Variants in FBXO43 observed in about 807,000 individuals in gnomAD.
FBXO43 encodes the protein F-box only protein 43.
Under a neutral mutation model 56.7 loss-of-function variants are expected in FBXO43, and 22 were observed. The observed-to-expected ratio is 0.39, with a 90% CI of 0.28 to 0.55. The LOEUF (loss-of-function observed/expected upper bound fraction) is 0.55. Ranked by LOEUF, FBXO43 falls within the 20% of genes least tolerant of loss-of-function variation. FBXO43 has a pLI of 0.66. For missense variants in FBXO43, 733 were observed against 814.9 expected, an observed-to-expected ratio of 0.90 and a Z score of 1.22; for synonymous variants, 306 against 294.5, an observed-to-expected ratio of 1.04 and a Z score of -0.40.
In FBXO43 at chr8:100,140,327, G is replaced by A. The variant is rs538117961; in HGVS notation, c.1571+356C>T. On this transcript the variant is annotated intron_variant, in intron 2 of 4. Transcript: ENST00000428847. Reference sequence around the variant, plus strand: ...CTACTAAAACTACAAAAAATTAGCCGGGCATGGTGGTGGGCGCCTGTAGTC... The same window carrying A: ...CTACTAAAACTACAAAAAATTAGCCAGGCATGGTGGTGGGCGCCTGTAGTC... Among the ~76,000 whole-genome samples, 16 of 152,116 alleles carry A rather than the reference G, an allele frequency of 1.1e-4. No individual in the cohort carries two copies. The South Asian group carries it at 2.7e-3, about 26-fold the overall frequency.
Position 100,133,548 on chromosome 8 carries a change from C to A in FBXO43, c.*254G>T. 1 of 334,104 alleles carries A rather than the reference C, an allele frequency of 3.0e-6. No individual in the cohort carries two copies. The allele number at this position is 334,104 out of a possible 1,614,324, so 20.7% of individuals were successfully genotyped here. A position where few individuals can be genotyped will look rare whatever the true frequency, so the allele number is the denominator to read the frequency against. ...AAATGTTACATAAAACAATAAAGTA[C>A]ATACATATAACAACAATGAAAATTC... On this transcript the variant is annotated 3_prime_UTR_variant, in exon 5 of 5. Transcript: ENST00000428847.
chr8:100,148,505 G>A (rs1037055692), upstream of FBXO43, among the ~76,000 whole-genome samples: 5 of 152,212 alleles, frequency 3.3e-5, no homozygotes, highest in East Asian at 3.9e-4. Flanking sequence ...TTCGCCTCCC[G>A]GGTTCAAGCG....
At chr8:100,150,291 C>G (rs1033862688), upstream of FBXO43, among the ~76,000 whole-genome samples, 1 of 152,300 alleles carries the variant, frequency 6.6e-6, no homozygotes, top group African/African-American at 2.4e-5. Flanking sequence ...GTAGTCGATT[C>G]TTCTATGTTC....
chr8:100,141,848 C>G lies in FBXO43; in HGVS notation c.406G>C (p.Asp136His), dbSNP rs745750597. 40 of 1,590,876 alleles carry G rather than the reference C, an allele frequency of 2.5e-5. No individual in the cohort carries two copies. The highest frequency in any genetic ancestry group is 3.7e-5 in the Admixed American group (2 of 53,474). ...GTTTCACAAAGTTCTGGGGTTTTAT[C>G]CTTTTCCTTTCTAGGCAAGATACAT... is the stretch of plus-strand genomic sequence containing the variant. ...KKCILPRKEK[D>H]KTPELCETPK... Residue 136 changes from aspartate to histidine, a missense_variant, in exon 2 of 5, where the codon GAT (aspartate) becomes CAT (histidine). Transcript: ENST00000428847.
At position 100,140,817 on chromosome 8, in the gene FBXO43, C is replaced by G; in HGVS notation, c.1437G>C (p.Gln479His). ...QGDGEKIAVLQCILAGLIGKK... is the reference protein window; with the variant it reads ...QGDGEKIAVLHCILAGLIGKK... ...TGCCGATCAGTCCTGCAAGTATACA[C>G]TGCAGTACAGCTATTTTCTCCCCAT... The change falls in exon 2 of 5, where the codon CAG becomes CAC. Residue 479 changes from glutamine to histidine, a missense_variant. Coordinates refer to ENST00000428847, the MANE Select transcript of FBXO43 (RefSeq NM_001029860.4). The G allele has an allele frequency of 6.2e-7, 1 of 1,614,168 alleles. No individual in the cohort carries two copies. The highest frequency in any genetic ancestry group is 8.5e-7 in the Non-Finnish European group (1 of 1,179,970).
Position 100,145,388 on chromosome 8 carries a change from C to T in FBXO43, c.-253G>A, listed in dbSNP as rs1814799830. On this transcript the variant is annotated 5_prime_UTR_variant, in exon 1 of 5. Coordinates refer to ENST00000428847, the MANE Select transcript of FBXO43 (RefSeq NM_001029860.4). ...TCCCAAATTCGGGTTCCTGAAAAGG[C>T]AGCGTGTGCTGCAGCCTGGCACTGA... The T allele has an allele frequency of 8.5e-6, 3 of 352,894 alleles. No homozygotes were observed. The highest frequency in any genetic ancestry group is 4.8e-5 in the Admixed American group (1 of 20,926). 21.9% of individuals were successfully genotyped at this position (352,894 alleles called of 1,614,324 possible). A position where few individuals can be genotyped will look rare whatever the true frequency, so the allele number is the denominator to read the frequency against.
At chr8:100,148,690 G>C (rs760338971), upstream of FBXO43, among the ~76,000 whole-genome samples, 5 of 152,210 alleles carry the variant, frequency 3.3e-5, no homozygotes, top group Non-Finnish European at 7.3e-5. Flanking sequence ...TGGGATTACA[G>C]GCGTGAGCCA....
Position 100,141,547 on chromosome 8 carries a change from T to A in FBXO43, c.707A>T (p.Asp236Val), listed in dbSNP as rs773054803. ...NFSQQKTSTI[D>V]DSKDDCSLFE... Reference sequence around the variant, plus strand: ...TAGGCTACAATCATCTTTGGAATCATCAATTGTGGAAGTCTTTTGCTGAGA... The same window carrying A: ...TAGGCTACAATCATCTTTGGAATCAACAATTGTGGAAGTCTTTTGCTGAGA... The change falls in exon 2 of 5, where the codon GAT (aspartate) becomes GTT (valine). Residue 236 changes from aspartate to valine, a missense_variant. Asp to Val is a radical substitution (Grantham distance 152). Coordinates refer to ENST00000428847, the MANE Select transcript of FBXO43 (RefSeq NM_001029860.4). 1.2e-6 allele frequency: 2 copies of A among 1,611,786 alleles called. No homozygotes were observed. Among genetic ancestry groups the A allele is most frequent in the Non-Finnish European group, 1.7e-6 (2 of 1,180,014 alleles).
chr8:100,149,138 A>G (rs537655013), upstream of FBXO43, among the ~76,000 whole-genome samples: 6 of 152,336 alleles, frequency 3.9e-5, 1 homozygote, highest in South Asian at 1.2e-3. Flanking sequence ...CTCTGTTGAT[A>G]GGAAAGAGCG....
upstream of FBXO43, among the ~76,000 whole-genome samples, chr8:100,149,844 CTTCA>C (rs1814887286): frequency 6.6e-6 from 1 of 152,106 alleles, no homozygotes; most frequent in African/African-American, 2.4e-5. Flanking sequence ...TTTAAAATAG[CTTCA>C]TTTTCTTCAC....
chr8:100,133,860 T>C lies in FBXO43; in HGVS notation c.2069A>G (p.Asn690Ser), dbSNP rs372427721. 21 of 1,614,214 alleles carry C rather than the reference T, an allele frequency of 1.3e-5. No homozygotes were observed. In the East Asian group the frequency reaches 4.2e-4, roughly 33 times the overall value. ...ACTTCCTGGGAGAGCATCTTTTCTA[T>C]TTCTTGGCTTTGCTGCTCCTCTACT... ...ECSRGAAKPRNRKDALPGSAQ... is the reference protein window; with the variant it reads ...ECSRGAAKPRSRKDALPGSAQ... The change falls in exon 5 of 5, where the codon AAT becomes AGT. Residue 690 changes from asparagine to serine, a missense_variant. Transcript: ENST00000428847.
In FBXO43 at chr8:100,141,104, G is replaced by C; in HGVS notation, c.1150C>G (p.Leu384Val). The C allele has an allele frequency of 6.2e-7, 1 of 1,614,230 alleles. No homozygotes were observed. The highest frequency in any genetic ancestry group is 8.5e-7 in the Non-Finnish European group (1 of 1,180,044). ...KTRHLGRSRR[L>V]STLREQSSQS... is the part of the protein sequence containing the mutation. Reference sequence around the variant, plus strand: ...GAGCTTTGTTCCCGAAGGGTGGACAGTCTTCTCGACCTTCCAAGATGTCTT... The same window carrying C: ...GAGCTTTGTTCCCGAAGGGTGGACACTCTTCTCGACCTTCCAAGATGTCTT... The change falls in exon 2 of 5, where the codon CTG (leucine) becomes GTG (valine). Residue 384 changes from leucine (L) to valine (V), a missense_variant. Leu to Val is a conservative substitution (Grantham distance 32). Coordinates refer to ENST00000428847, the MANE Select transcript of FBXO43 (RefSeq NM_001029860.4).
chr8:100,149,543 GAAGA>G (rs1814883502), upstream of FBXO43, among the ~76,000 whole-genome samples: 1 of 152,204 alleles, frequency 6.6e-6, no homozygotes, highest in Admixed American at 6.5e-5. Flanking sequence ...GCCTGTCTGT[GAAGA>G]AAGAAGCCAG....
upstream of FBXO43, among the ~76,000 whole-genome samples, chr8:100,148,785 A>C (rs1185798737): frequency 1.3e-5 from 2 of 151,660 alleles, no homozygotes; most frequent in Admixed American, 1.3e-4. Flanking sequence ...CCTGCTTGCC[A>C]CAAAATCTGA....
Position 100,134,330 on chromosome 8 carries a change from C to T in FBXO43, c.1709G>A (p.Arg570Gln), listed in dbSNP as rs77680502. 920 of 1,613,712 alleles carry T rather than the reference C, an allele frequency of 5.7e-4. 8 individuals carry two copies. In the African/African-American group the frequency reaches 0.011, roughly 19 times the overall value. ...AVLNVEDAAT[R>Q]LQLLNRSALR... Reference sequence around the variant, plus strand: ...AGCTGAGCGATTTAAAAGCTGGAGCCGAGTGGCAGCATCCTCGACATTTAA... The same window carrying T: ...AGCTGAGCGATTTAAAAGCTGGAGCTGAGTGGCAGCATCCTCGACATTTAA... Residue 570 changes from arginine (R) to glutamine (Q), a missense_variant, in exon 4 of 5, where the codon CGG becomes CAG. Transcript: ENST00000428847.
At position 100,137,668 on chromosome 8, in the gene FBXO43, C is replaced by A; in HGVS notation, c.1572-1G>T. 1 of 1,608,324 alleles carries A rather than the reference C, an allele frequency of 6.2e-7. No individual in the cohort carries two copies. Among genetic ancestry groups the A allele is most frequent in the South Asian group, 1.1e-5 (1 of 90,772 alleles). ...CCAATTTCTGCTTACTTTCCAAACACTATAACAAAAAGATCCATCCTTATA... is the reference window on the plus strand; with the variant it reads ...CCAATTTCTGCTTACTTTCCAAACAATATAACAAAAAGATCCATCCTTATA... On this transcript the variant is annotated splice_acceptor_variant, in intron 2 of 4. Coordinates refer to ENST00000428847, the MANE Select transcript of FBXO43 (RefSeq NM_001029860.4). LOFTEE classifies it high-confidence loss of function.
chr8:100,137,414 T>C (rs748522395), intron 3 of FBXO43, 151 bp downstream of exon 3: 12 of 576,524 alleles, frequency 2.1e-5, no homozygotes, highest in South Asian at 9.0e-5. Context: ...TGGGTGAAAA[T>C]TGAGTTTGGG....
chr8:100,148,952 C>T (rs1251969342), upstream of FBXO43, among the ~76,000 whole-genome samples: 2 of 152,180 alleles, frequency 1.3e-5, no homozygotes, highest in Non-Finnish European at 2.9e-5. Context: ...CCATAACCTT[C>T]TTAATAAAGA....
At chr8:100,148,829 T>C (rs1227622766), upstream of FBXO43, among the ~76,000 whole-genome samples, 1 of 152,222 alleles carries the variant, frequency 6.6e-6, no homozygotes, top group Non-Finnish European at 1.5e-5. Flanking sequence ...TAAAACGTAA[T>C]GGGAGATTTC....
Sources: allele counts gnomAD v4.1 joint callset (sites outside exome capture counted in the v4.1 genomes callset), GRCh38; gene constraint gnomAD v4.1.1; transcripts MANE v1.5; gene names NCBI Gene and HGNC (gene_info 2026-07-23, HGNC 2026-07-21).